The following HDAC6 variants were observed in gnomAD, a reference collection of about 807,000 sequenced individuals.
HDAC6 encodes histone deacetylase 6, also known as protein deacetylase HDAC6.
In HDAC6, 5 loss-of-function variants were observed where a neutral mutation model predicts 88.9. The observed-to-expected ratio is 0.06, with a 90% confidence interval of 0.03 to 0.12. HDAC6 has a LOEUF of 0.12. Among genes scored for constraint, HDAC6 ranks in the 10% least tolerant of loss-of-function variants. The probability of loss-of-function intolerance (pLI) is 1.00; values close to 1 mark genes in which losing one functional copy is unlikely to be tolerated. For missense variants in HDAC6, 706 were observed against 1,014.4 expected, an observed-to-expected ratio of 0.70 and a Z score of 4.13; for synonymous variants, 378 against 398.0, an observed-to-expected ratio of 0.95 and a Z score of 0.60.
rs782274867 is a variant in HDAC6 at position 48,815,016 on chromosome X, G to A, written c.1114G>A (p.Gly372Ser). Residue 372 changes from glycine (G) to serine (S), a missense_variant, in exon 14 of 29, where the codon GGT becomes AGT. Around this residue, in one of 9 missense-constraint regions of HDAC6, gnomAD observed 106 missense variants for 135.1 expected, o/e 0.78. Coordinates refer to ENST00000334136, the MANE Select transcript of HDAC6 (RefSeq NM_006044.4). Reference protein sequence around the residue: ...GFAQLTHLLMGLAGGKLILSL... With the variant: ...GFAQLTHLLMSLAGGKLILSL... The stretch of plus-strand genomic sequence containing the variant: ...CGCCCAGCTAACCCACCTGCTCATG[G>A]GTCTGGCAGGAGGCAAGCTGATCCT... The A allele has an allele frequency of 4.2e-6, 5 of 1,202,887 alleles. No individual in the cohort carries two copies. The highest frequency in any genetic ancestry group is 5.6e-6 in the Non-Finnish European group (5 of 891,393).
chrX:48,803,272 C>G (rs1557023130), intron 4 of HDAC6, 56 bp downstream of exon 4: 1 of 906,412 alleles, frequency 1.1e-6, no homozygotes, highest in Non-Finnish European at 1.6e-6. Flanking sequence ...ACACTTAGAG[C>G]CCATTAGCAA....
At chrX:48,814,642 T>C in intron 11 of HDAC6, 33 bp from the exon 12 acceptor site, 1 of 1,206,311 alleles carries the variant, frequency 8.3e-7, no homozygotes. Flanking sequence ...GACAGGTGGC[T>C]GAACATCCCC....
At chrX:48,808,174 G>A in intron 9 of HDAC6, 37 bp downstream of exon 9, 1 of 1,145,389 alleles carries the variant, frequency 8.7e-7, no homozygotes. Flanking sequence ...GGGGTGGCAT[G>A]GGGTGGGGTG....
chrX:48,821,214 C>CT (rs1267148710), intron 23 of HDAC6, among the ~76,000 whole-genome samples: 117 of 103,724 alleles, frequency 1.1e-3, no homozygotes, highest in South Asian at 1.6e-3. Flanking sequence ...TTTTCTTTTT[C>CT]TTTTTTTTTT....
In HDAC6 at chrX:48,824,011, A is replaced by T; in HGVS notation, c.3393A>T (p.Gln1131His). Reference protein sequence around the residue: ...PIPAAGLDVTQPCGDCGTIQE... With the variant: ...PIPAAGLDVTHPCGDCGTIQE... ...CTGCAGCAGGCCTAGACGTGACCCA[A>T]CCTTGTGGGGACTGTGGAACAATCC... is the stretch of plus-strand genomic sequence containing the variant. Residue 1131 changes from glutamine to histidine, a missense_variant, in exon 27 of 29, where the codon CAA (glutamine) becomes CAT (histidine). Gln to His is a conservative substitution (Grantham distance 24). Transcript: ENST00000334136. The T allele has an allele frequency of 1.7e-6, 2 of 1,210,840 alleles. No individual in the cohort carries two copies.
intron 23 of HDAC6, among the ~76,000 whole-genome samples, chrX:48,821,191 G>A (rs1557029667): frequency 9.1e-6 from 1 of 110,079 alleles, no homozygotes; most frequent in East Asian, 2.8e-4. Flanking sequence ...AACCTTCTGT[G>A]CTCTTATTTT....
At position 48,802,749 on chromosome X, in the gene HDAC6, C is replaced by T; in HGVS notation, c.57C>T (p.Asn19=). The T allele has an allele frequency of 8.3e-7, 1 of 1,207,505 alleles. No homozygotes were observed. The highest frequency in any genetic ancestry group is 1.1e-6 in the Non-Finnish European group (1 of 893,293). The change falls in exon 2 of 29, where the codon AAC becomes AAT. Residue 19 remains asparagine, a synonymous_variant. Transcript: ENST00000334136. ...TTTRQRRSRQ[N]PQSPPQDSSV... ...CCAGGCAGCGAAGAAGTAGGCAGAA[C>T]CCCCAGTCGCCCCCTCAGGACTCCA...
chrX:48,823,073 A>G lies in HDAC6; in HGVS notation c.2674A>G (p.Thr892Ala). ...CTCGGCATCATTTGGGGAAGAGTCC[A>G]CTCCAGGCCAGACTAACTCAGAGAC... Reference protein sequence around the residue: ...VTSASFGEESTPGQTNSETAV... With the variant: ...VTSASFGEESAPGQTNSETAV... Residue 892 changes from threonine (T) to alanine (A), a missense_variant, in exon 25 of 29, where the codon ACT (threonine) becomes GCT (alanine). Physicochemically the swap from Thr to Ala is moderately conservative, Grantham distance 58. Around this residue, in one of 9 missense-constraint regions of HDAC6, gnomAD observed 89 missense variants for 90.9 expected, o/e 0.98. Coordinates refer to ENST00000334136, the MANE Select transcript of HDAC6 (RefSeq NM_006044.4). The G allele has an allele frequency of 8.3e-7, 1 of 1,210,921 alleles. No homozygotes were observed. Among genetic ancestry groups the G allele is most frequent in the Non-Finnish European group, 1.1e-6 (1 of 895,165 alleles).
Position 48,803,121 on chromosome X carries a change from T to C in HDAC6, c.223-7T>C. 1 of 1,205,600 alleles carries C rather than the reference T, an allele frequency of 8.3e-7. No homozygotes were observed. Among genetic ancestry groups the C allele is most frequent in the Non-Finnish European group, 1.1e-6 (1 of 891,096 alleles). On this transcript the variant is annotated splice_polypyrimidine_tract_variant and splice_region_variant and intron_variant, in intron 3 of 28. Coordinates refer to ENST00000334136, the MANE Select transcript of HDAC6 (RefSeq NM_006044.4). The stretch of plus-strand genomic sequence containing the variant: ...GATCTGTGTCTCCTTTTTTTTTTCC[T>C]CTGCAGGATCTGAACCTTGAGGCTG...
rs1301453560 is a variant in HDAC6 at position 48,824,770 on chromosome X, T to A, written c.*158T>A. 2 of 1,107,001 alleles carry A rather than the reference T, an allele frequency of 1.8e-6. No individual in the cohort carries two copies. The allele number at this position is 1,107,001 out of a possible 1,213,427, so 91.2% of individuals were successfully genotyped here. ...GAGTGCTTATTTAAGTGTTAATACT[T>A]TTAAGAGAACTGCGACGATTAATTG... is the stretch of plus-strand genomic sequence containing the variant. On this transcript the variant is annotated 3_prime_UTR_variant, in exon 29 of 29. Coordinates refer to ENST00000334136, the MANE Select transcript of HDAC6 (RefSeq NM_006044.4).
At chrX:48,802,375 C>T in intron 1 of HDAC6, 1 of 894,743 alleles carries the variant, frequency 1.1e-6, no homozygotes, top group Non-Finnish European at 1.4e-6. Flanking sequence ...GGCCCTAAGA[C>T]GGACTGTGTG....
intron 10 of HDAC6, among the ~76,000 whole-genome samples, chrX:48,808,748 A>C (rs1181309381): frequency 1.8e-5 from 2 of 112,670 alleles, no homozygotes; most frequent in African/African-American, 6.4e-5. Flanking sequence ...ATAAATAAAT[A>C]ACAAACTATT....
chrX:48,808,755 T>G (rs1465311198), intron 10 of HDAC6, among the ~76,000 whole-genome samples: 1 of 112,630 alleles, frequency 8.9e-6, no homozygotes, highest in Non-Finnish European at 1.9e-5. Flanking sequence ...AATAACAAAC[T>G]ATTTGTTTAA....
chrX:48,802,228 G>A (rs1175060079), intron 1 of HDAC6, 86 bp downstream of exon 1: 1 of 873,661 alleles, frequency 1.1e-6, no homozygotes, highest in African/African-American at 2.2e-5. Flanking sequence ...GGCCGGCTGA[G>A]TGAAAGGGTG....
At chrX:48,816,666 C>A (rs1451992925) in intron 19 of HDAC6, 33 bp downstream of exon 19, 8 of 1,105,727 alleles carry the variant, frequency 7.2e-6, no homozygotes, top group Non-Finnish European at 9.7e-6. Context: ...AGAGGAGGAC[C>A]TGGGGGGAAT....
At chrX:48,805,561 G>T (rs1386549724) in intron 5 of HDAC6, 39 bp downstream of exon 5, 3 of 1,177,619 alleles carry the variant, frequency 2.5e-6, no homozygotes, top group Non-Finnish European at 3.5e-6. Context: ...GAAGGGCAGG[G>T]AGCTGACCTG....
chrX:48,814,456 A>G lies in HDAC6; in HGVS notation c.823A>G (p.Ile275Val). ...TGCCCCCAGTGTCCTCTATTTCTCC[A>G]TCCACCGCTACGAGCAGGGTAGGTT... ...DQDPSVLYFS[I>V]HRYEQGRFWP... is the part of the protein sequence containing the mutation. Residue 275 changes from isoleucine (I) to valine (V), a missense_variant, in exon 11 of 29, where the codon ATC becomes GTC. Ile to Val is a conservative substitution (Grantham distance 29). Coordinates refer to ENST00000334136, the MANE Select transcript of HDAC6 (RefSeq NM_006044.4). The G allele has an allele frequency of 8.3e-7, 1 of 1,211,212 alleles. No homozygotes were observed. Among genetic ancestry groups the G allele is most frequent in the Non-Finnish European group, 1.1e-6 (1 of 895,098 alleles).
At position 48,823,145 on chromosome X, in the gene HDAC6, G is replaced by A. The variant is rs782547507; in HGVS notation, c.2746G>A (p.Gly916Arg). Residue 916 changes from glycine to arginine, a missense_variant, in exon 25 of 29, where the codon GGG becomes AGG. Coordinates refer to ENST00000334136, the MANE Select transcript of HDAC6 (RefSeq NM_006044.4). Reference sequence around the variant, plus strand: ...GGACCAGCCCTCAGAGGCAGCCACAGGGGGAGCCACTCTGGCCCAGACCAT... The same window carrying A: ...GGACCAGCCCTCAGAGGCAGCCACAAGGGGAGCCACTCTGGCCCAGACCAT... ...TQDQPSEAAT[G>R]GATLAQTISE... is the part of the protein sequence containing the mutation. The A allele has an allele frequency of 1.2e-5, 15 of 1,206,817 alleles. No individual in the cohort carries two copies. The highest frequency in any genetic ancestry group is 1.7e-5 in the Non-Finnish European group (15 of 893,568).
intron 4 of HDAC6, among the ~76,000 whole-genome samples, chrX:48,805,046 A>C (rs1407958093): frequency 2.7e-5 from 3 of 111,685 alleles, no homozygotes; most frequent in South Asian, 7.4e-4. Context: ...AGATGGGGTC[A>C]GAGAGGTGAT....
Sources: gnomAD v4.1 joint callset for allele counts (sites outside exome capture counted in the v4.1 genomes callset) on GRCh38, gnomAD v4.1.1 for gene constraint, gnomAD v4.1.1 regional missense constraint, MANE v1.5 for transcripts, NCBI Gene and HGNC (gene_info 2026-07-23, HGNC 2026-07-21) for gene names.